Variants in KSR2 observed in about 807,000 individuals in gnomAD.
The protein encoded by KSR2 is kinase suppressor of ras 2.
In KSR2, 25 loss-of-function variants were observed where a neutral mutation model predicts 107.8. The observed-to-expected ratio is 0.23, with a 90% CI of 0.17 to 0.32. The LOEUF (loss-of-function observed/expected upper bound fraction) is 0.32. KSR2 is among the 10% of genes least tolerant of loss of function. The pLI is 1.00. For synonymous variants in KSR2, 480 were observed against 507.0 expected (o/e 0.95, Z 0.71); for missense variants, 887 against 1,268.9 (o/e 0.70, Z 4.57).
At chr12:117,623,678 C>T (rs1483167761) in intron 5 of KSR2, among the ~76,000 whole-genome samples, 796 of 135,218 alleles carry the variant, frequency 5.9e-3, no homozygotes, top group South Asian at 1.0e-2. Context: ...TGAATAGTGC[C>T]ACAATAAACA....
intron 7 of KSR2, 65 bp from the exon 8 acceptor site, chr12:117,558,638 G>T: frequency 8.0e-7 from 1 of 1,254,618 alleles, no homozygotes; most frequent in Non-Finnish European, 1.2e-6. Context: ...TAGGTGGGTG[G>T]GTGGATGAAT....
intron 4 of KSR2, among the ~76,000 whole-genome samples, chr12:117,737,575 G>T (rs1403305844): frequency 6.6e-6 from 1 of 152,082 alleles, no homozygotes; most frequent in African/African-American, 2.4e-5. Flanking sequence ...TTGAGGTCAG[G>T]AGTTTGAGAC....
At chr12:117,948,778 T>C (rs924789338) in intron 1 of KSR2, among the ~76,000 whole-genome samples, 4 of 152,188 alleles carry the variant, frequency 2.6e-5, no homozygotes, top group Non-Finnish European at 5.9e-5. Context: ...GCAAAAGTAA[T>C]TGGAGTTTTT....
chr12:117,462,770 G>A lies in KSR2; in HGVS notation c.*4429C>T, dbSNP rs892327301. ...GAAGTGAAGGTAGGCACAGGATGAG[G>A]ATAGGGAGGGCATATTTCGGGACTC... On this transcript the variant is annotated 3_prime_UTR_variant, in exon 20 of 20. Transcript: ENST00000339824. The A allele has an allele frequency of 6.6e-6, 1 of 152,264 alleles. No individual in the cohort carries two copies. The highest frequency in any genetic ancestry group is 2.4e-5 in the African/African-American group (1 of 41,450). 9.4% of individuals were successfully genotyped at this position (152,264 alleles called of 1,614,324 possible).
intron 5 of KSR2, among the ~76,000 whole-genome samples, chr12:117,617,653 A>G (rs947510558): frequency 2.0e-5 from 3 of 152,244 alleles, no homozygotes; most frequent in South Asian, 2.1e-4. Context: ...AAAGTAATCT[A>G]TAGTGATAGA....
At chr12:117,666,148 T>C (rs886702628) in intron 5 of KSR2, among the ~76,000 whole-genome samples, 7 of 152,210 alleles carry the variant, frequency 4.6e-5, no homozygotes, top group African/African-American at 1.7e-4. Flanking sequence ...GACCGACTCC[T>C]AACTGATGTC....
intron 1 of KSR2, among the ~76,000 whole-genome samples, chr12:117,866,839 TAAA>T (rs34463256): frequency 6.7e-6 from 1 of 149,488 alleles, no homozygotes; most frequent in African/African-American, 2.4e-5. Flanking sequence ...CAAAAAAAAT[TAAA>T]AAAAAAATGA....
chr12:117,704,772 T>C (rs1369915822), intron 4 of KSR2, among the ~76,000 whole-genome samples: 1 of 151,390 alleles, frequency 6.6e-6, no homozygotes, highest in East Asian at 1.9e-4. Flanking sequence ...GGCAGGAGGA[T>C]CACTTGAACC....
At chr12:117,506,207 T>C (rs1458455575) in intron 14 of KSR2, among the ~76,000 whole-genome samples, 6 of 152,190 alleles carry the variant, frequency 3.9e-5, no homozygotes, top group Non-Finnish European at 8.8e-5. Context: ...GTCACCAGTA[T>C]TGGGCCCAAC....
chr12:117,795,673 G>A (rs1260170927), intron 3 of KSR2, among the ~76,000 whole-genome samples: 2 of 152,136 alleles, frequency 1.3e-5, no homozygotes, highest in Non-Finnish European at 2.9e-5. Context: ...CTGTTGCCCA[G>A]GCTGGAATGC....
intron 5 of KSR2, among the ~76,000 whole-genome samples, chr12:117,634,591 G>C (rs1032563707): frequency 1.3e-5 from 2 of 152,094 alleles, no homozygotes; most frequent in African/African-American, 4.8e-5. Flanking sequence ...CAAGCGAGGA[G>C]GAATTGCCCT....
In KSR2 at chr12:117,459,461, T is replaced by C. The variant is rs1180327664; in HGVS notation, c.*7738A>G. ...TGATCAGTGGGAAGGCATGCTGTGA[T>C]GGATTAGTGATGTCTGCCAAGAGTA... On this transcript the variant is annotated 3_prime_UTR_variant, in exon 20 of 20. Coordinates refer to ENST00000339824, the MANE Select transcript of KSR2 (RefSeq NM_173598.6). 6.6e-6 allele frequency: 1 copy of C among 152,222 alleles called. No individual in the cohort carries two copies. The highest frequency in any genetic ancestry group is 2.4e-5 in the African/African-American group (1 of 41,462). 9.4% of individuals were successfully genotyped at this position (152,222 alleles called of 1,614,324 possible). A position where few individuals can be genotyped will look rare whatever the true frequency, so the allele number is the denominator to read the frequency against.
chr12:117,633,816 A>T (rs1251207975), intron 5 of KSR2, among the ~76,000 whole-genome samples: 1 of 152,242 alleles, frequency 6.6e-6, no homozygotes, highest in African/African-American at 2.4e-5. Flanking sequence ...TTTTGGGAGG[A>T]TGCTACTCAA....
chr12:117,938,731 A>G (rs1895918056), intron 1 of KSR2, among the ~76,000 whole-genome samples: 1 of 152,094 alleles, frequency 6.6e-6, no homozygotes, highest in Admixed American at 6.6e-5. Flanking sequence ...AGCCTAGGCA[A>G]CAGAGCAAAA....
chr12:117,919,475 TA>T, intron 1 of KSR2, among the ~76,000 whole-genome samples: 1 of 152,202 alleles, frequency 6.6e-6, no homozygotes, highest in South Asian at 2.1e-4. Context: ...CAAGGAAGCA[TA>T]TGCTAGGCTG....
chr12:117,779,645 G>A (rs1389365434), intron 3 of KSR2, among the ~76,000 whole-genome samples: 2 of 152,132 alleles, frequency 1.3e-5, no homozygotes, highest in South Asian at 2.1e-4. Context: ...TCTCATGATA[G>A]TGAGTGAGTT....
chr12:117,518,118 A>G (rs1435935626), intron 14 of KSR2, among the ~76,000 whole-genome samples: 1 of 152,198 alleles, frequency 6.6e-6, no homozygotes, highest in African/African-American at 2.4e-5. Context: ...CCTTGTCCCT[A>G]GGAGATGGGT....
In KSR2 at chr12:117,579,163, G is replaced by T. The variant is rs756948779; in HGVS notation, c.1281C>A (p.Val427=). Residue 427 remains valine, a synonymous_variant, in exon 7 of 20, where the codon GTC becomes GTA. Transcript: ENST00000339824. ...TKYWMSQTCT[V]CGKGMLFGLK... is the part of the protein sequence containing the mutation. ...GGCCAAAAAGCATCCCTTTCCCACA[G>T]ACTGTGCACGTCTGAGACATCCAGT... is the stretch of plus-strand genomic sequence containing the variant. 31 of 1,613,700 alleles carry T rather than the reference G, an allele frequency of 1.9e-5. No individual in the cohort carries two copies. Among genetic ancestry groups the T allele is most frequent in the Non-Finnish European group, 2.5e-5 (30 of 1,179,844 alleles).
chr12:117,951,731 C>T (rs1896369718), intron 1 of KSR2, among the ~76,000 whole-genome samples: 1 of 152,126 alleles, frequency 6.6e-6, no homozygotes, highest in Admixed American at 6.6e-5. Context: ...GATCTTGAGA[C>T]TATTTCCTCA....
Sources: gnomAD v4.1 joint callset for allele counts (sites outside exome capture counted in the v4.1 genomes callset) on GRCh38, gnomAD v4.1.1 for gene constraint, MANE v1.5 for transcripts, NCBI Gene and HGNC (gene_info 2026-07-23, HGNC 2026-07-21) for gene names.